The following MYCBP2 variants were observed in gnomAD, a reference collection of about 807,000 sequenced individuals.
MYCBP2 encodes MYC binding protein 2.
In MYCBP2, 120 loss-of-function variants were observed where a neutral mutation model predicts 525.3. The observed-to-expected ratio is 0.23, with a 90% CI of 0.20 to 0.27. The LOEUF is 0.27. Ranked by LOEUF, MYCBP2 falls within the 10% of genes least tolerant of loss-of-function variation. MYCBP2 has a pLI of 1.00. For missense variants in MYCBP2, 4,149 were observed against 5,657.1 expected (o/e 0.73, Z 8.55); for synonymous variants, 1,894 against 1,955.8 (o/e 0.97, Z 0.83).
chr13:77,302,575 TG>T (rs1377497316), intron 1 of MYCBP2, among the ~76,000 whole-genome samples: 1 of 152,160 alleles, frequency 6.6e-6, no homozygotes, highest in Non-Finnish European at 1.5e-5. Context: ...AAAATAAAGA[TG>T]TTTTTAGATC....
At chr13:77,285,873 G>C (rs2076691123) in intron 3 of MYCBP2, among the ~76,000 whole-genome samples, 1 of 30,904 alleles carries the variant, frequency 3.2e-5, no homozygotes, top group Non-Finnish European at 1.9e-4. Context: ...GGAAAGGAAA[G>C]GAAAGGAAAG....
At chr13:77,127,027 G>T (rs912627426) in intron 52 of MYCBP2, among the ~76,000 whole-genome samples, 2 of 151,936 alleles carry the variant, frequency 1.3e-5, no homozygotes, top group Admixed American at 1.3e-4. Flanking sequence ...TCTGAAAACT[G>T]ATCCATAAGC....
chr13:77,187,898 C>A (rs888929061), intron 30 of MYCBP2, among the ~76,000 whole-genome samples: 11 of 151,754 alleles, frequency 7.2e-5, no homozygotes, highest in Non-Finnish European at 7.4e-5. Flanking sequence ...TGGTGAAACC[C>A]CCTCTCTACT....
At chr13:77,250,005 C>T (rs956711545) in intron 15 of MYCBP2, among the ~76,000 whole-genome samples, 3 of 152,072 alleles carry the variant, frequency 2.0e-5, no homozygotes, top group East Asian at 1.9e-4. Context: ...GGGCGGATCA[C>T]GAGGTCAGGA....
intron 2 of MYCBP2, among the ~76,000 whole-genome samples, chr13:77,293,945 A>G (rs1049453893): frequency 2.0e-5 from 3 of 151,564 alleles, no homozygotes; most frequent in Non-Finnish European, 2.9e-5. Flanking sequence ...GTTAATTTAA[A>G]CCATCAAGTT....
chr13:77,292,958 C>CA (rs548135428), intron 2 of MYCBP2, among the ~76,000 whole-genome samples: 3,782 of 60,440 alleles, frequency 0.063, 207 homozygotes, highest in African/African-American at 0.15. Flanking sequence ...GACTCCGTCT[C>CA]AAAAAAAAAA....
chr13:77,316,886 C>G lies in MYCBP2; in HGVS notation c.302+9588G>C, dbSNP rs773345116. On this transcript the variant is annotated intron_variant, in intron 1 of 82. Transcript: ENST00000544440. Reference sequence around the variant, plus strand: ...AACCTCCATGCTCCACTGTGGAACACAGCCCTACCTCCTCCACATGAACAA... The same window carrying G: ...AACCTCCATGCTCCACTGTGGAACAGAGCCCTACCTCCTCCACATGAACAA... 3.9e-5 allele frequency among the ~76,000 whole-genome samples: 6 copies of G among 152,120 alleles called. No individual in the cohort carries two copies. In the East Asian group the frequency reaches 1.2e-3, roughly 29 times the overall value.
chr13:77,081,706 G>A lies in MYCBP2; in HGVS notation c.11194-55C>T, dbSNP rs2043334256. ...TACTTAAAAGCAAATCTTTCGTGAT[G>A]ATAAAACAAACAGGTATAAGATAAA... On this transcript the variant is annotated intron_variant, in intron 64 of 82. Coordinates refer to ENST00000544440, the MANE Select transcript of MYCBP2 (RefSeq NM_015057.5). The surrounding 1 kb of genome is among the most constrained non-coding windows in gnomAD (Gnocchi z 4.6). The A allele has an allele frequency of 1.3e-6, 2 of 1,540,982 alleles. No individual in the cohort carries two copies. The highest frequency in any genetic ancestry group is 4.5e-5 in the East Asian group (2 of 44,308).
chr13:77,168,414 G>T lies in MYCBP2; in HGVS notation c.6114+14C>A. The T allele has an allele frequency of 6.2e-7, 1 of 1,610,396 alleles. No homozygotes were observed. Among genetic ancestry groups the T allele is most frequent in the South Asian group, 1.1e-5 (1 of 90,822 alleles). ...AAGTTTTACATTCGAATCACACTAAGAACCGGTGCCTACCTTGTAATGCAT... is the reference window on the plus strand; with the variant it reads ...AAGTTTTACATTCGAATCACACTAATAACCGGTGCCTACCTTGTAATGCAT... On this transcript the variant is annotated intron_variant, in intron 40 of 82. Coordinates refer to ENST00000544440, the MANE Select transcript of MYCBP2 (RefSeq NM_015057.5).
intron 1 of MYCBP2, 99 bp from the exon 2 acceptor site, chr13:77,296,773 T>C: frequency 1.1e-6 from 1 of 947,094 alleles, no homozygotes; most frequent in Non-Finnish European, 1.5e-6. Flanking sequence ...CATTTGGATC[T>C]TTTTCTTGCA....
chr13:77,188,656 A>G lies in MYCBP2; in HGVS notation c.4251+295T>C, dbSNP rs1365351029. On this transcript the variant is annotated intron_variant, in intron 30 of 82. Transcript: ENST00000544440. ...TCCTTAACTTTTCCTTCATTTTCTA[A>G]TTCATTCAGCATATGCATTCATATA... 2.0e-5 allele frequency among the ~76,000 whole-genome samples: 3 copies of G among 152,158 alleles called. No homozygotes were observed. In the East Asian group the frequency reaches 5.8e-4, roughly 29 times the overall value.
At chr13:77,294,104 C>CTCTATATATA (rs2077776825) in intron 2 of MYCBP2, among the ~76,000 whole-genome samples, 1 of 41,920 alleles carries the variant, frequency 2.4e-5, no homozygotes, top group Non-Finnish European at 5.2e-5. Context: ...GATATAATGG[C>CTCTATATATA]TATATATATA....
chr13:77,092,009 G>A (rs2045503076), intron 59 of MYCBP2, among the ~76,000 whole-genome samples: 1 of 150,348 alleles, frequency 6.7e-6, no homozygotes, highest in African/African-American at 2.4e-5. Flanking sequence ...AAAATGTCAA[G>A]AGCAGCTTCA....
At chr13:77,141,312 T>C (rs1274382883) in intron 49 of MYCBP2, among the ~76,000 whole-genome samples, 1 of 152,170 alleles carries the variant, frequency 6.6e-6, no homozygotes, top group Admixed American at 6.5e-5. Context: ...TCTATGACAA[T>C]GTAGCATGGT....
intron 26 of MYCBP2, among the ~76,000 whole-genome samples, chr13:77,202,449 G>A (rs551367991): frequency 4.6e-4 from 70 of 152,202 alleles, no homozygotes; most frequent in Non-Finnish European, 6.2e-4. Flanking sequence ...ATTCACAGCC[G>A]AATTCTACCA....
chr13:77,168,418 C>T lies in MYCBP2; in HGVS notation c.6114+10G>A, dbSNP rs369071454. ...TTTACATTCGAATCACACTAAGAAC[C>T]GGTGCCTACCTTGTAATGCATCACA... On this transcript the variant is annotated intron_variant, in intron 40 of 82. Coordinates refer to ENST00000544440, the MANE Select transcript of MYCBP2 (RefSeq NM_015057.5). 2.5e-5 allele frequency: 40 copies of T among 1,611,214 alleles called. No individual in the cohort carries two copies. The African/African-American group carries it at 2.9e-4, about 12-fold the overall frequency.
intron 29 of MYCBP2, 27 bp downstream of exon 29, chr13:77,190,225 C>A: frequency 1.4e-6 from 2 of 1,414,740 alleles, no homozygotes; most frequent in Non-Finnish European, 2.0e-6. Flanking sequence ...ATAAACCATA[C>A]TAATTCAGTA....
chr13:77,304,625 A>C (rs2079179170), intron 1 of MYCBP2, among the ~76,000 whole-genome samples: 2 of 152,160 alleles, frequency 1.3e-5, no homozygotes, highest in South Asian at 4.1e-4. Context: ...ATGACAAAGA[A>C]ATGATAAAAT....
chr13:77,073,865 G>T (rs116793057), intron 68 of MYCBP2, among the ~76,000 whole-genome samples: 1 of 152,054 alleles, frequency 6.6e-6, no homozygotes, highest in African/African-American at 2.4e-5. Context: ...ACACTGCTGA[G>T]AGAAATTTTA....
Sources: gnomAD v4.1 joint callset for allele counts (sites outside exome capture counted in the v4.1 genomes callset) on GRCh38, gnomAD v4.1.1 for gene constraint, Gnocchi (gnomAD v3.1) non-coding constraint, MANE v1.5 for transcripts, NCBI Gene and HGNC (gene_info 2026-07-23, HGNC 2026-07-21) for gene names.